Variants in CD6 observed in about 807,000 individuals in gnomAD.
The protein encoded by CD6 is CD6 molecule.
Under a neutral mutation model 75.3 loss-of-function variants are expected in CD6, and 53 were observed. The ratio of observed to expected loss-of-function variants is 0.70; its 90% CI spans 0.56 to 0.88. The LOEUF is 0.88. Among genes scored for constraint, CD6 ranks in the 40% least tolerant of loss-of-function variants. The pLI is 0.00. For synonymous variants in CD6, 359 were observed against 381.5 expected (o/e 0.94, Z 0.69); for missense variants, 770 against 897.1 (o/e 0.86, Z 1.81).
intron 1 of CD6, among the ~76,000 whole-genome samples, chr11:61,002,331 T>A (rs1858623234): frequency 6.6e-6 from 1 of 152,150 alleles, no homozygotes; most frequent in Admixed American, 6.6e-5. Context: ...GGCAGGCAGA[T>A]CACTTGAGGT....
chr11:60,998,310 T>C (rs1298247940), intron 1 of CD6, among the ~76,000 whole-genome samples: 1 of 152,230 alleles, frequency 6.6e-6, no homozygotes, highest in Non-Finnish European at 1.5e-5. Context: ...AGATAACCGC[T>C]ATCATCTATG....
At chr11:61,015,412 A>C in intron 8 of CD6, 1 of 255,832 alleles carries the variant, frequency 3.9e-6, no homozygotes, top group South Asian at 7.3e-5. Flanking sequence ...CTCTACAAAA[A>C]ATTCAAAAAT....
chr11:60,989,572 C>T (rs1857976372), intron 1 of CD6, among the ~76,000 whole-genome samples: 1 of 152,242 alleles, frequency 6.6e-6, no homozygotes, highest in Admixed American at 6.5e-5. Flanking sequence ...GGCTGGACCA[C>T]GGGCTCTATT....
At chr11:60,993,558 A>G (rs1858152842) in intron 1 of CD6, among the ~76,000 whole-genome samples, 1 of 152,102 alleles carries the variant, frequency 6.6e-6, no homozygotes, top group Non-Finnish European at 1.5e-5. Flanking sequence ...TGGCTCATTT[A>G]TCATGCCCAG....
intron 1 of CD6, among the ~76,000 whole-genome samples, chr11:61,000,373 T>C (rs1858526835): frequency 6.6e-6 from 1 of 152,162 alleles, no homozygotes; most frequent in South Asian, 2.1e-4. Flanking sequence ...GCACCACTTG[T>C]AGATTCCACC....
Position 61,007,497 on chromosome 11 carries a change from A to G in CD6, c.119-63A>G. 8.0e-7 allele frequency: 1 copy of G among 1,257,644 alleles called. No individual in the cohort carries two copies. The highest frequency in any genetic ancestry group is 1.0e-6 in the Non-Finnish European group (1 of 958,916). 77.9% of individuals were successfully genotyped at this position (1,257,644 alleles called of 1,614,324 possible). On this transcript the variant is annotated intron_variant, in intron 2 of 12. Transcript: ENST00000313421. This position sits in a 1 kb window ranked among gnomAD's most constrained non-coding sequence, Gnocchi z 4.2. ...AAAGTTCACGCACAGAGTCAGTGGC[A>G]GAGCCTGGGCAACCCTCTGCCCAGG...
chr11:60,989,604 G>A (rs1009433212), intron 1 of CD6, among the ~76,000 whole-genome samples: 2 of 152,188 alleles, frequency 1.3e-5, no homozygotes, highest in African/African-American at 4.8e-5. Context: ...CCACGGCAGA[G>A]CGCAGCATGG....
At chr11:61,015,658 C>T (rs1859364054) in intron 8 of CD6, 55 bp from the exon 9 acceptor site, 38 of 1,607,234 alleles carry the variant, frequency 2.4e-5, no homozygotes, top group Non-Finnish European at 2.8e-5. Context: ...ACCATCCCTC[C>T]CTACACCTTT....
rs1859487679 is a variant in CD6 at position 61,017,855 on chromosome 11, G to A, written c.1679G>A (p.Ser560Asn). ...PSLGPQYHPR[S>N]NSESSTSSGE... Reference sequence around the variant, plus strand: ...CTGGGCCCTCAGTATCACCCGAGGAGCAACAGTGAGTCGAGCACCTCTTCA... The same window carrying A: ...CTGGGCCCTCAGTATCACCCGAGGAACAACAGTGAGTCGAGCACCTCTTCA... The change falls in exon 11 of 13, where the codon AGC becomes AAC. Residue 560 changes from serine (S) to asparagine (N), a missense_variant. Coordinates refer to ENST00000313421, the MANE Select transcript of CD6 (RefSeq NM_006725.5). 1.9e-6 allele frequency: 3 copies of A among 1,614,154 alleles called. No individual in the cohort carries two copies. The East Asian group carries it at 6.7e-5, about 36-fold the overall frequency.
At chr11:60,995,189 G>A (rs1180528617) in intron 1 of CD6, among the ~76,000 whole-genome samples, 2 of 148,974 alleles carry the variant, frequency 1.3e-5, no homozygotes, top group Admixed American at 1.4e-4. Context: ...CTGTCACCCA[G>A]CCTAGAATGC....
intron 1 of CD6, among the ~76,000 whole-genome samples, chr11:60,993,390 T>G (rs999932013): frequency 4.6e-5 from 7 of 151,792 alleles, no homozygotes; most frequent in Non-Finnish European, 7.4e-5. Context: ...GTATGGAATG[T>G]AGAATCAATA....
At chr11:60,972,772 A>T (rs965190167) in intron 1 of CD6, among the ~76,000 whole-genome samples, 2 of 151,964 alleles carry the variant, frequency 1.3e-5, no homozygotes, top group Non-Finnish European at 2.9e-5. Context: ...GATGGAGGAG[A>T]CCCAGGAAGA....
intron 1 of CD6, among the ~76,000 whole-genome samples, chr11:60,984,229 C>T (rs1385974566): frequency 6.6e-6 from 1 of 152,054 alleles, no homozygotes; most frequent in Non-Finnish European, 1.5e-5. Flanking sequence ...TGATTCTTGC[C>T]GGAATCAGTT....
intron 1 of CD6, among the ~76,000 whole-genome samples, chr11:60,972,115 A>G (rs534284287): frequency 5.9e-5 from 9 of 152,290 alleles, no homozygotes; most frequent in African/African-American, 1.9e-4. Flanking sequence ...TGTGCCTGGA[A>G]GCCTCCTGGA....
intron 1 of CD6, among the ~76,000 whole-genome samples, chr11:60,995,393 C>A (rs1858250225): frequency 6.6e-6 from 1 of 152,164 alleles, no homozygotes; most frequent in South Asian, 2.1e-4. Flanking sequence ...AGTCCACCCA[C>A]CTCAGCCTCT....
intron 1 of CD6, among the ~76,000 whole-genome samples, chr11:60,975,430 A>G (rs1342280443): frequency 6.6e-6 from 1 of 152,266 alleles, no homozygotes; most frequent in Non-Finnish European, 1.5e-5. Context: ...TGTCGAACTT[A>G]TAATATTTTT....
At position 61,013,965 on chromosome 11, in the gene CD6, G is replaced by A. The variant is rs201598086; in HGVS notation, c.1338G>A (p.Pro446=). 8.1e-6 allele frequency: 13 copies of A among 1,613,728 alleles called. No individual in the cohort carries two copies. Among genetic ancestry groups the A allele is most frequent in the East Asian group, 2.2e-5 (1 of 44,832 alleles). ...VNHQHLPTTI[P]AGSNSYQPVP... ...ACCAGCACCTACCCACCACCATCCCGGCAGGGAGCAATAGCTATCAACCGG... is the reference window on the plus strand; with the variant it reads ...ACCAGCACCTACCCACCACCATCCCAGCAGGGAGCAATAGCTATCAACCGG... The change falls in exon 8 of 13, where the codon CCG becomes CCA. Residue 446 remains proline (P), a synonymous_variant. Coordinates refer to ENST00000313421, the MANE Select transcript of CD6 (RefSeq NM_006725.5).
At chr11:61,013,885 A>T in intron 7 of CD6, 34 bp from the exon 8 acceptor site, 1 of 1,502,118 alleles carries the variant, frequency 6.7e-7, no homozygotes, top group Non-Finnish European at 9.1e-7. Context: ...GGGCAAAAAA[A>T]TGACTTGTAG....
intron 1 of CD6, among the ~76,000 whole-genome samples, chr11:60,994,747 G>A (rs553929872): frequency 5.9e-5 from 9 of 152,190 alleles, no homozygotes; most frequent in African/African-American, 7.2e-5. Context: ...TCTATGTTCC[G>A]TTTCATTAAC....
Sources: allele counts gnomAD v4.1 joint callset (sites outside exome capture counted in the v4.1 genomes callset), GRCh38; gene constraint gnomAD v4.1.1; non-coding constraint Gnocchi (gnomAD v3.1); transcripts MANE v1.5; gene names NCBI Gene and HGNC (gene_info 2026-07-23, HGNC 2026-07-21).